PEBP4: variants seen among roughly 807,000 people sequenced by gnomAD.
PEBP4 encodes phosphatidylethanolamine binding protein 4, also known as phosphatidylethanolamine-binding protein 4.
Under a neutral mutation model 23.9 loss-of-function variants are expected in PEBP4, and 22 were observed. The observed-to-expected ratio is 0.92, with a 90% CI of 0.66 to 1.31. The LOEUF (loss-of-function observed/expected upper bound fraction) is 1.31, where lower values mean the gene tolerates loss of function less well. Ranked by LOEUF, PEBP4 falls within the 40% of genes most tolerant of loss-of-function variation. PEBP4 has a pLI of 0.00. For missense variants in PEBP4, 324 were observed against 281.7 expected, an observed-to-expected ratio of 1.15 and a Z score of -1.07; for synonymous variants, 112 against 99.3, an observed-to-expected ratio of 1.13 and a Z score of -0.76.
chr8:22,807,127 C>A (rs996081029), intron 4 of PEBP4, among the ~76,000 whole-genome samples: 1 of 152,200 alleles, frequency 6.6e-6, no homozygotes, highest in Non-Finnish European at 1.5e-5. Context: ...GATTGCAAAT[C>A]TAAGCTCTTT....
At chr8:22,845,779 A>G (rs1333395963) in intron 3 of PEBP4, among the ~76,000 whole-genome samples, 1 of 152,200 alleles carries the variant, frequency 6.6e-6, no homozygotes, top group Non-Finnish European at 1.5e-5. Context: ...TTAAGCCACT[A>G]TCAGGCATTA....
At chr8:22,739,070 A>G (rs1378340212) in intron 4 of PEBP4, among the ~76,000 whole-genome samples, 1 of 152,018 alleles carries the variant, frequency 6.6e-6, no homozygotes. Flanking sequence ...CAAACAGACA[A>G]CTGATTAGCA....
At chr8:22,784,751 C>G (rs1415825648) in intron 4 of PEBP4, among the ~76,000 whole-genome samples, 4 of 152,232 alleles carry the variant, frequency 2.6e-5, no homozygotes, top group Non-Finnish European at 5.9e-5. Context: ...CCCCTAAATC[C>G]AATCTGCATA....
At chr8:22,715,895 G>A (rs570031671) in intron 6 of PEBP4, among the ~76,000 whole-genome samples, 80 of 152,194 alleles carry the variant, frequency 5.3e-4, no homozygotes, top group Admixed American at 1.0e-3. Context: ...AGGAGGCTGC[G>A]GCTTCTGTGG....
chr8:22,924,427 A>C (rs1809279763), intron 2 of PEBP4, among the ~76,000 whole-genome samples: 1 of 152,148 alleles, frequency 6.6e-6, no homozygotes, highest in South Asian at 2.1e-4. Flanking sequence ...ACTGGGGATG[A>C]CTGCCCAGGT....
chr8:22,908,897 G>C (rs1808874107), intron 3 of PEBP4, among the ~76,000 whole-genome samples: 1 of 152,222 alleles, frequency 6.6e-6, no homozygotes, highest in African/African-American at 2.4e-5. Context: ...GACCCTGGAA[G>C]GCACTTCCAG....
chr8:22,883,608 G>A (rs756715129), intron 3 of PEBP4, among the ~76,000 whole-genome samples: 2 of 152,184 alleles, frequency 1.3e-5, no homozygotes, highest in East Asian at 1.9e-4. Flanking sequence ...CTAATGAGTC[G>A]TCTTGAACCT....
At chr8:22,730,637 A>C (rs556286684) in intron 4 of PEBP4, among the ~76,000 whole-genome samples, 2 of 152,202 alleles carry the variant, frequency 1.3e-5, no homozygotes, top group Non-Finnish European at 2.9e-5. Context: ...TTCAGGAGGT[A>C]AGAGGGAGAA....
chr8:22,728,209 G>A (rs975197212), intron 4 of PEBP4, among the ~76,000 whole-genome samples: 2 of 152,268 alleles, frequency 1.3e-5, no homozygotes, highest in Admixed American at 1.3e-4. Flanking sequence ...GGTGGGGGCA[G>A]GGGCAGGAGA....
intron 4 of PEBP4, chr8:22,757,490 A>G (rs1273028964): frequency 6.6e-6 from 1 of 152,386 alleles, no homozygotes. Flanking sequence ...CCTCTCCCAG[A>G]GTCCCATAGG....
At chr8:22,758,414 T>C (rs1805436340) in intron 4 of PEBP4, among the ~76,000 whole-genome samples, 1 of 152,228 alleles carries the variant, frequency 6.6e-6, no homozygotes, top group Non-Finnish European at 1.5e-5. Context: ...TTTGTTTCTT[T>C]TCTTATAACC....
intron 3 of PEBP4, among the ~76,000 whole-genome samples, chr8:22,866,620 A>G (rs1563242690): frequency 6.6e-6 from 1 of 151,678 alleles, no homozygotes; most frequent in Admixed American, 6.6e-5. Context: ...GTGCTTAACT[A>G]TATAGCCTTA....
At chr8:22,939,392 A>G (rs931161880) in intron 1 of PEBP4, among the ~76,000 whole-genome samples, 10 of 152,184 alleles carry the variant, frequency 6.6e-5, no homozygotes, top group Admixed American at 4.6e-4. Context: ...TTGGCTCTAC[A>G]TAAAGGAAGA....
chr8:22,804,615 A>G (rs1035460556), intron 4 of PEBP4, among the ~76,000 whole-genome samples: 2 of 152,002 alleles, frequency 1.3e-5, no homozygotes, highest in African/African-American at 4.8e-5. Flanking sequence ...CATTACTGAA[A>G]CTTTACACCC....
intron 6 of PEBP4, among the ~76,000 whole-genome samples, chr8:22,716,517 G>T (rs1178206927): frequency 1.3e-5 from 2 of 152,232 alleles, no homozygotes; most frequent in African/African-American, 4.8e-5. Flanking sequence ...CCTCCTCGGA[G>T]CTTTAGTCCC....
At chr8:22,755,088 G>A (rs575511081) in intron 4 of PEBP4, among the ~76,000 whole-genome samples, 3 of 152,288 alleles carry the variant, frequency 2.0e-5, no homozygotes, top group South Asian at 2.1e-4. Context: ...TTCCACTCCC[G>A]GGTTTCGAAA....
At chr8:22,803,717 G>A (rs1175151110) in intron 4 of PEBP4, among the ~76,000 whole-genome samples, 1 of 152,142 alleles carries the variant, frequency 6.6e-6, no homozygotes, top group Non-Finnish European at 1.5e-5. Flanking sequence ...GAGTGAACAT[G>A]TCTAAGACAG....
At chr8:22,868,517 T>C (rs1422655235) in intron 3 of PEBP4, among the ~76,000 whole-genome samples, 1 of 152,154 alleles carries the variant, frequency 6.6e-6, no homozygotes, top group Non-Finnish European at 1.5e-5. Flanking sequence ...CAATTTCATA[T>C]ACACAAACAA....
intron 3 of PEBP4, among the ~76,000 whole-genome samples, chr8:22,831,117 T>C (rs1261187753): frequency 1.3e-5 from 2 of 152,200 alleles, no homozygotes; most frequent in African/African-American, 4.8e-5. Flanking sequence ...GTTTTCTCTA[T>C]GTCTAGAACA....
Sources: allele counts gnomAD v4.1 joint callset (sites outside exome capture counted in the v4.1 genomes callset), GRCh38; gene constraint gnomAD v4.1.1; transcripts MANE v1.5; gene names NCBI Gene and HGNC (gene_info 2026-07-23, HGNC 2026-07-21).